The following TBC1D22A variants were observed in gnomAD, a reference collection of about 807,000 sequenced individuals.
TBC1D22A encodes TBC1 domain family member 22A.
In TBC1D22A, 38 loss-of-function variants were observed where a neutral mutation model predicts 60.2. That is an observed-to-expected ratio of 0.63 (90% CI 0.49 to 0.83). The LOEUF (loss-of-function observed/expected upper bound fraction) is 0.83. Ranked by LOEUF, TBC1D22A falls within the 40% of genes least tolerant of loss-of-function variation. TBC1D22A has a pLI of 0.00. For synonymous variants in TBC1D22A, 302 were observed against 281.7 expected, an observed-to-expected ratio of 1.07 and a Z score of -0.72; for missense variants, 628 against 701.0, an observed-to-expected ratio of 0.90 and a Z score of 1.18.
chr22:46,932,712 CCTT>C (rs1307110553), intron 8 of TBC1D22A, among the ~76,000 whole-genome samples: 2 of 134,706 alleles, frequency 1.5e-5, no homozygotes, highest in Non-Finnish European at 3.0e-5. Context: ...TGTGCGTTGT[CCTT>C]CTTGCTTTTT....
At chr22:47,144,503 C>T (rs2067219726) in intron 12 of TBC1D22A, among the ~76,000 whole-genome samples, 1 of 152,262 alleles carries the variant, frequency 6.6e-6, no homozygotes, top group Non-Finnish European at 1.5e-5. Flanking sequence ...ACCAGCGTCC[C>T]TCCTTGGCCC....
At chr22:46,882,313 T>C (rs131877) in intron 5 of TBC1D22A, among the ~76,000 whole-genome samples, 152,188 of 152,256 alleles carry the variant, frequency 1, 76,060 homozygotes, top group Middle Eastern at 1. Context: ...CAGGCCTGCC[T>C]TCTTCACCTG....
At chr22:46,981,026 A>G (rs2074493214) in intron 9 of TBC1D22A, among the ~76,000 whole-genome samples, 1 of 152,266 alleles carries the variant, frequency 6.6e-6, no homozygotes, top group South Asian at 2.1e-4. Context: ...AAGGAAATGC[A>G]ACAGAAGAAT....
chr22:47,064,350 C>T (rs1347678807), intron 11 of TBC1D22A, among the ~76,000 whole-genome samples: 7 of 152,256 alleles, frequency 4.6e-5, no homozygotes, highest in Non-Finnish European at 8.8e-5. Flanking sequence ...ACTTGTGGTT[C>T]AGCAAACACA....
intron 12 of TBC1D22A, among the ~76,000 whole-genome samples, chr22:47,118,931 A>C (rs1313341118): frequency 2.0e-5 from 3 of 152,216 alleles, no homozygotes; most frequent in Non-Finnish European, 2.9e-5. Flanking sequence ...GCGCGTGATC[A>C]TGAGGTCAGG....
intron 7 of TBC1D22A, among the ~76,000 whole-genome samples, chr22:46,905,565 C>T (rs1261017289): frequency 2.0e-5 from 3 of 152,212 alleles, no homozygotes; most frequent in East Asian, 1.9e-4. Flanking sequence ...ACGGGGTGGC[C>T]GCTGGAAGAG....
intron 11 of TBC1D22A, among the ~76,000 whole-genome samples, chr22:47,051,477 G>A (rs977261402): frequency 4.6e-5 from 7 of 152,090 alleles, no homozygotes; most frequent in East Asian, 1.9e-4. Context: ...GCTTCAATGC[G>A]GACCCTGGGT....
chr22:46,884,126 CAA>C (rs2067991182), intron 5 of TBC1D22A, among the ~76,000 whole-genome samples: 1 of 152,024 alleles, frequency 6.6e-6, no homozygotes, highest in Non-Finnish European at 1.5e-5. Flanking sequence ...TGGGAGAAGA[CAA>C]ACAATACACC....
chr22:47,063,815 T>C (rs1320176997), intron 11 of TBC1D22A, among the ~76,000 whole-genome samples: 2 of 152,214 alleles, frequency 1.3e-5, no homozygotes, highest in Non-Finnish European at 2.9e-5. Flanking sequence ...TCCTCGGCAT[T>C]CCTGACTCAT....
At chr22:46,804,994 A>G (rs6007968) in intron 4 of TBC1D22A, among the ~76,000 whole-genome samples, 86,349 of 152,042 alleles carry the variant, frequency 0.57, 24,887 homozygotes, top group Middle Eastern at 0.71. Flanking sequence ...AGGAGAAGGA[A>G]AGTAGGGCGA....
chr22:47,086,395 C>G (rs1446180439), intron 11 of TBC1D22A, among the ~76,000 whole-genome samples: 2 of 152,142 alleles, frequency 1.3e-5, no homozygotes, highest in Non-Finnish European at 2.9e-5. Context: ...GCGGAGGTTG[C>G]GGTGAGCTGA....
chr22:46,817,196 C>G (rs936594655), intron 4 of TBC1D22A, among the ~76,000 whole-genome samples: 13 of 151,512 alleles, frequency 8.6e-5, no homozygotes, highest in Admixed American at 7.2e-4. Context: ...ATAAGTGGGG[C>G]TGTATTGGAT....
chr22:47,139,153 A>G (rs1429777638), intron 12 of TBC1D22A, among the ~76,000 whole-genome samples: 2 of 152,144 alleles, frequency 1.3e-5, no homozygotes, highest in African/African-American at 4.8e-5. Flanking sequence ...GGGTGACGTC[A>G]TGTGCTTTAT....
At chr22:46,862,122 G>A (rs1484152034) in intron 4 of TBC1D22A, among the ~76,000 whole-genome samples, 1 of 152,218 alleles carries the variant, frequency 6.6e-6, no homozygotes, top group African/African-American at 2.4e-5. Context: ...GCTCTCCTGG[G>A]CCTCAGTGAT....
At chr22:46,971,825 T>C (rs1352059983) in intron 8 of TBC1D22A, among the ~76,000 whole-genome samples, 1 of 152,200 alleles carries the variant, frequency 6.6e-6, no homozygotes, top group African/African-American at 2.4e-5. Context: ...GGAGTCCCTG[T>C]GGGGGCTTCA....
chr22:46,886,960 GTGGGAATATGGCCA>G (rs1171292451), intron 5 of TBC1D22A, among the ~76,000 whole-genome samples: 1 of 152,216 alleles, frequency 6.6e-6, no homozygotes, highest in East Asian at 1.9e-4. Context: ...CTTAACAACA[GTGGGAATATGGCCA>G]TGATTTTAAA....
intron 11 of TBC1D22A, among the ~76,000 whole-genome samples, chr22:47,068,226 A>G (rs1243560572): frequency 6.6e-6 from 1 of 152,214 alleles, no homozygotes. Context: ...CCATGGCACC[A>G]CTGTCGAGGG....
intron 12 of TBC1D22A, among the ~76,000 whole-genome samples, chr22:47,141,148 T>C (rs2067069525): frequency 6.6e-6 from 1 of 152,214 alleles, no homozygotes; most frequent in South Asian, 2.1e-4. Context: ...GCAGGGTTAC[T>C]GCCCTTTATA....
intron 7 of TBC1D22A, among the ~76,000 whole-genome samples, chr22:46,902,712 A>G (rs1314448424): frequency 1.3e-5 from 2 of 152,222 alleles, no homozygotes; most frequent in African/African-American, 4.8e-5. Context: ...TTCCTGCGAT[A>G]ACTGCAAGCA....
Sources: gnomAD v4.1 joint callset for allele counts (sites outside exome capture counted in the v4.1 genomes callset) on GRCh38, gnomAD v4.1.1 for gene constraint, MANE v1.5 for transcripts, NCBI Gene and HGNC (gene_info 2026-07-23, HGNC 2026-07-21) for gene names.